Variants in FGF14 observed in about 807,000 individuals in gnomAD.
The protein encoded by FGF14 is fibroblast growth factor homologous factor 4.
Under a neutral mutation model 25.5 loss-of-function variants are expected in FGF14, and 5 were observed. The ratio of observed to expected loss-of-function variants is 0.20; its 90% confidence interval spans 0.10 to 0.41. The LOEUF is 0.41. FGF14 is among the 10% of genes least tolerant of loss of function. The pLI, the probability that FGF14 is intolerant of heterozygous loss-of-function variation, is 1.00. For missense variants in FGF14, 222 were observed against 320.1 expected (o/e 0.69, Z 2.34); for synonymous variants, 138 against 118.3 (o/e 1.17, Z -1.08).
At chr13:101,904,684 A>G (rs960943625) in intron 1 of FGF14, among the ~76,000 whole-genome samples, 17 of 152,216 alleles carry the variant, frequency 1.1e-4, no homozygotes, top group Non-Finnish European at 2.4e-4. Context: ...GTTAGTATAG[A>G]AAGTTGCAAA....
At chr13:101,917,836 GGGA>G (rs1193348059), upstream of FGF14, among the ~76,000 whole-genome samples, 2 of 152,170 alleles carry the variant, frequency 1.3e-5, no homozygotes, top group Non-Finnish European at 2.9e-5. Flanking sequence ...CCCCAGCCCT[GGGA>G]GGAGGAGATG....
chr13:101,767,274 TC>T (rs1249457464), intron 3 of FGF14, among the ~76,000 whole-genome samples: 3 of 152,170 alleles, frequency 2.0e-5, no homozygotes, highest in Non-Finnish European at 4.4e-5. Flanking sequence ...TTTGAGAATC[TC>T]CTGGGGAGCT....
intron 1 of FGF14, among the ~76,000 whole-genome samples, chr13:102,086,104 A>G (rs1595221793): frequency 1.3e-5 from 2 of 152,252 alleles, no homozygotes; most frequent in African/African-American, 4.8e-5. Flanking sequence ...CTAGCAAGTT[A>G]TGCTAAATGA....
chr13:102,383,185 T>G (rs962403841), intron 1 of FGF14, among the ~76,000 whole-genome samples: 1 of 151,910 alleles, frequency 6.6e-6, no homozygotes, highest in Non-Finnish European at 1.5e-5. Flanking sequence ...CAACTAGAAT[T>G]GTGATCAATT....
intron 1 of FGF14, among the ~76,000 whole-genome samples, chr13:101,969,396 T>C (rs1301757014): frequency 1.3e-5 from 2 of 152,018 alleles, no homozygotes; most frequent in East Asian, 1.9e-4. Context: ...TCCCCGTCTC[T>C]ACTAAAAATA....
intron 1 of FGF14, among the ~76,000 whole-genome samples, chr13:102,375,922 T>G (rs567836676): frequency 6.6e-6 from 1 of 152,214 alleles, no homozygotes; most frequent in Admixed American, 6.5e-5. Flanking sequence ...TCAAACCTAA[T>G]TGAAATGAAA....
intron 1 of FGF14, among the ~76,000 whole-genome samples, chr13:102,082,318 A>AC (rs951705284): frequency 1.3e-5 from 2 of 151,996 alleles, no homozygotes; most frequent in African/African-American, 4.8e-5. Flanking sequence ...TATAAAAAAA[A>AC]CTCTAAGCCA....
intron 1 of FGF14, among the ~76,000 whole-genome samples, chr13:101,887,045 TATGCCGGG>T (rs1395707623): frequency 6.6e-6 from 1 of 151,976 alleles, no homozygotes; most frequent in Non-Finnish European, 1.5e-5. Flanking sequence ...GAAAATAACA[TATGCCGGG>T]GAGGATGCAG....
intron 1 of FGF14, among the ~76,000 whole-genome samples, chr13:102,149,270 T>C (rs2046980735): frequency 6.6e-6 from 1 of 152,110 alleles, no homozygotes; most frequent in African/African-American, 2.4e-5. Flanking sequence ...ATGGCCTCTC[T>C]TATGGCGAAT....
chr13:101,732,852 A>C lies in FGF14; in HGVS notation c.409-6042T>G, dbSNP rs1594063326. ...CCTTTAGATGGGAATTCCCATATTC[A>C]GATCCACTTAATCTGAATTCTCAAT... On this transcript the variant is annotated intron_variant, in intron 3 of 4. Transcript: ENST00000376143. Among the ~76,000 whole-genome samples, 4 of 152,344 alleles carry C rather than the reference A, an allele frequency of 2.6e-5. No homozygotes were observed. In the South Asian group the frequency reaches 8.3e-4, roughly 32 times the overall value.
chr13:101,896,858 C>G (rs973046869), intron 1 of FGF14, among the ~76,000 whole-genome samples: 3 of 152,106 alleles, frequency 2.0e-5, no homozygotes, highest in African/African-American at 7.2e-5. Flanking sequence ...GGGGATTTCA[C>G]AGTTTTGGGC....
chr13:102,308,938 A>AC (rs2055568154), intron 1 of FGF14, among the ~76,000 whole-genome samples: 2 of 149,880 alleles, frequency 1.3e-5, no homozygotes, highest in Middle Eastern at 3.2e-3. Context: ...AAAAAAACAC[A>AC]AAAAAAACAG....
At chr13:101,820,801 CACACA>C (rs2042095573) in intron 3 of FGF14, among the ~76,000 whole-genome samples, 1 of 121,070 alleles carries the variant, frequency 8.3e-6, no homozygotes, top group African/African-American at 3.4e-5. Context: ...CACACACACA[CACACA>C]ACACACACAC....
chr13:101,803,267 C>A (rs1217855450), intron 3 of FGF14, among the ~76,000 whole-genome samples: 2 of 151,524 alleles, frequency 1.3e-5, no homozygotes, highest in Non-Finnish European at 2.9e-5. Context: ...CAACTGGGAC[C>A]ACAGCTGCAC....
At chr13:102,206,128 A>AACAT (rs1680583969) in intron 1 of FGF14, among the ~76,000 whole-genome samples, 1 of 146,954 alleles carries the variant, frequency 6.8e-6, no homozygotes, top group Admixed American at 6.8e-5. Flanking sequence ...TCAACCTTCA[A>AACAT]ACACACACAC....
At chr13:101,861,996 A>G (rs1484848130) in intron 3 of FGF14, among the ~76,000 whole-genome samples, 1 of 152,110 alleles carries the variant, frequency 6.6e-6, no homozygotes, top group Non-Finnish European at 1.5e-5. Context: ...AAACACAGCC[A>G]TCACTCTAGA....
In FGF14 at chr13:101,868,811, G is replaced by C; in HGVS notation, c.322C>G (p.Pro108Ala). 2 of 1,612,884 alleles carry C rather than the reference G, an allele frequency of 1.2e-6. No homozygotes were observed. The highest frequency in any genetic ancestry group is 1.7e-6 in the Non-Finnish European group (2 of 1,178,956). ...ATGGCAACAACACGTAGTCCCACTGGTATGAGGTTGAAGAGTGCTGTGAAG... is the reference window on the plus strand; with the variant it reads ...ATGGCAACAACACGTAGTCCCACTGCTATGAGGTTGAAGAGTGCTGTGAAG... ...STNSTLFNLI[P>A]VGLRVVAIQG... is the part of the protein sequence containing the mutation. The change falls in exon 3 of 5, where the codon CCA becomes GCA. Residue 108 changes from proline to alanine, a missense_variant. By Grantham distance (27) the Pro-to-Ala change is conservative (BLOSUM62 -1). Coordinates refer to ENST00000376143, the MANE Select transcript of FGF14 (RefSeq NM_004115.4).
At chr13:101,981,016 T>C (rs1205077734) in intron 1 of FGF14, among the ~76,000 whole-genome samples, 1 of 148,810 alleles carries the variant, frequency 6.7e-6, no homozygotes, top group Non-Finnish European at 1.5e-5. Context: ...CTGAGGTGGG[T>C]GGATTGCCTG....
chr13:102,057,143 T>G (rs1043955912), intron 1 of FGF14, among the ~76,000 whole-genome samples: 3 of 152,088 alleles, frequency 2.0e-5, no homozygotes, highest in Admixed American at 2.0e-4. Context: ...GGAGTAATGA[T>G]ATAATTGTTT....
Sources: gnomAD v4.1 joint callset for allele counts (sites outside exome capture counted in the v4.1 genomes callset) on GRCh38, gnomAD v4.1.1 for gene constraint, MANE v1.5 for transcripts, NCBI Gene and HGNC (gene_info 2026-07-23, HGNC 2026-07-21) for gene names.